LDLRAD3: variants seen among roughly 807,000 people sequenced by gnomAD.
The protein encoded by LDLRAD3 is low-density lipoprotein receptor class A domain-containing protein 3.
LDLRAD3 carries 20 observed loss-of-function variants against 29.4 expected under a neutral mutation model. That is an observed-to-expected ratio of 0.68 (90% CI 0.48 to 0.99). LDLRAD3 has a LOEUF of 0.99. LDLRAD3 is among the 50% of genes least tolerant of loss of function. The probability of loss-of-function intolerance (pLI) is 0.00; values close to 1 mark genes in which losing one functional copy is unlikely to be tolerated. For synonymous variants in LDLRAD3, 157 were observed against 192.7 expected (o/e 0.81, Z 1.53); for missense variants, 420 against 454.3 (o/e 0.92, Z 0.69).
At chr11:36,185,977 A>T (rs1012277153) in intron 4 of LDLRAD3, among the ~76,000 whole-genome samples, 1 of 152,204 alleles carries the variant, frequency 6.6e-6, no homozygotes, top group Non-Finnish European at 1.5e-5. Flanking sequence ...TATATATTAG[A>T]GGCCACAGAG....
chr11:36,202,203 A>C (rs538403027), intron 4 of LDLRAD3, among the ~76,000 whole-genome samples: 2 of 152,196 alleles, frequency 1.3e-5, no homozygotes, highest in South Asian at 2.1e-4. Context: ...CACCACGCCC[A>C]GCTAATTTTT....
Position 36,227,401 on chromosome 11 carries a change from C to A in LDLRAD3, c.771C>A (p.Pro257=). Residue 257 remains proline (P), a synonymous_variant, in exon 5 of 6, where the codon CCC becomes CCA. Coordinates refer to ENST00000315571, the MANE Select transcript of LDLRAD3 (RefSeq NM_174902.4). ...ATGCGTCGGAAGTAGGCTCCCCACCCTCCTACTCCGAGGCCTTGCTGGACC... is the reference window on the plus strand; with the variant it reads ...ATGCGTCGGAAGTAGGCTCCCCACCATCCTACTCCGAGGCCTTGCTGGACC... ...EQNASEVGSP[P]SYSEALLDQR... is the part of the protein sequence containing the mutation. 1 of 1,593,774 alleles carries A rather than the reference C, an allele frequency of 6.3e-7. No homozygotes were observed. The highest frequency in any genetic ancestry group is 8.5e-7 in the Non-Finnish European group (1 of 1,169,984).
Position 36,231,296 on chromosome 11 carries a change from A to T in LDLRAD3, c.*1899A>T, listed in dbSNP as rs1855572729. ...CACTGGTATTTTGTTTTGTTTAAAA[A>T]AAAAAAGAAAGAAAGAAAGAAAGAA... is the stretch of plus-strand genomic sequence containing the variant. On this transcript the variant is annotated 3_prime_UTR_variant, in exon 6 of 6. Transcript: ENST00000315571. The T allele has an allele frequency of 6.6e-6, 1 of 152,156 alleles. No homozygotes were observed. The highest frequency in any genetic ancestry group is 1.5e-5 in the Non-Finnish European group (1 of 68,028). 9.4% of individuals were successfully genotyped at this position (152,156 alleles called of 1,614,324 possible).
chr11:36,135,789 AAT>A (rs1853995367), intron 4 of LDLRAD3, among the ~76,000 whole-genome samples: 1 of 152,182 alleles, frequency 6.6e-6, no homozygotes, highest in Non-Finnish European at 1.5e-5. Flanking sequence ...GCACACCTGT[AAT>A]CCCAGCTACT....
chr11:36,145,972 C>T (rs927486604), intron 4 of LDLRAD3, among the ~76,000 whole-genome samples: 12 of 150,092 alleles, frequency 8.0e-5, no homozygotes, highest in African/African-American at 1.0e-4. Context: ...GCTAAATCTC[C>T]CTCTGCGAGA....
intron 1 of LDLRAD3, among the ~76,000 whole-genome samples, chr11:36,026,435 G>T (rs1428813651): frequency 6.6e-6 from 1 of 152,178 alleles, no homozygotes; most frequent in Non-Finnish European, 1.5e-5. Context: ...ATTAGGATTG[G>T]CTGGGTCAAA....
chr11:36,060,004 G>T (rs1852673818), intron 2 of LDLRAD3, among the ~76,000 whole-genome samples: 1 of 152,232 alleles, frequency 6.6e-6, no homozygotes, highest in Admixed American at 6.5e-5. Context: ...AGTTTTGCGA[G>T]ATGGGTATCA....
At chr11:36,020,640 T>C (rs1852083808) in intron 1 of LDLRAD3, among the ~76,000 whole-genome samples, 1 of 152,072 alleles carries the variant, frequency 6.6e-6, no homozygotes, top group South Asian at 2.1e-4. Flanking sequence ...TGTGGAGCAT[T>C]ATGGTAAATG....
chr11:36,066,234 G>C (rs1852791284), intron 2 of LDLRAD3, among the ~76,000 whole-genome samples: 1 of 149,674 alleles, frequency 6.7e-6, no homozygotes, highest in South Asian at 2.1e-4. Flanking sequence ...TCATGCAGTT[G>C]GATGATACCT....
intron 4 of LDLRAD3, among the ~76,000 whole-genome samples, chr11:36,159,903 G>A (rs1397849313): frequency 6.6e-6 from 1 of 152,172 alleles, no homozygotes; most frequent in Non-Finnish European, 1.5e-5. Flanking sequence ...TGAGTCTTAT[G>A]TTCCCTGCCC....
intron 4 of LDLRAD3, among the ~76,000 whole-genome samples, chr11:36,200,105 G>A (rs1317353605): frequency 6.6e-6 from 1 of 152,122 alleles, no homozygotes; most frequent in Non-Finnish European, 1.5e-5. Context: ...AGGCGGATGT[G>A]TAGTGAGCCA....
At chr11:36,016,028 G>A (rs1477380146) in intron 1 of LDLRAD3, among the ~76,000 whole-genome samples, 1 of 152,212 alleles carries the variant, frequency 6.6e-6, no homozygotes, top group African/African-American at 2.4e-5. Context: ...GGGCAAGTGA[G>A]ATTTGGAGAG....
At chr11:36,051,584 A>G (rs77833207) in intron 2 of LDLRAD3, among the ~76,000 whole-genome samples, 16,906 of 152,156 alleles carry the variant, frequency 0.11, 1,053 homozygotes, top group Admixed American at 0.16. Flanking sequence ...ACATTACTTC[A>G]TGCTTTAAAT....
At position 36,229,593 on chromosome 11, in the gene LDLRAD3, T is replaced by C. The variant is rs1433772627; in HGVS notation, c.*196T>C. The C allele has an allele frequency of 7.3e-6, 4 of 548,792 alleles. No homozygotes were observed. The highest frequency in any genetic ancestry group is 1.3e-5 in the Non-Finnish European group (4 of 308,514). 34.0% of individuals were successfully genotyped at this position (548,792 alleles called of 1,614,324 possible). ...TTCTGGCGTCTCAGTTGACATGATC[T>C]GTTGTGCGTCTTTTCTGTCAGGTCA... On this transcript the variant is annotated 3_prime_UTR_variant, in exon 6 of 6. Coordinates refer to ENST00000315571, the MANE Select transcript of LDLRAD3 (RefSeq NM_174902.4).
intron 4 of LDLRAD3, among the ~76,000 whole-genome samples, chr11:36,106,698 C>A (rs1853533863): frequency 6.6e-6 from 1 of 152,232 alleles, no homozygotes; most frequent in African/African-American, 2.4e-5. Flanking sequence ...CCTTTAGCTA[C>A]TGCTGAAACT....
In LDLRAD3 at chr11:36,051,107, A is replaced by T. The variant is rs1852521481; in HGVS notation, c.193+14858A>T. Among the ~76,000 whole-genome samples, 4 of 152,350 alleles carry T rather than the reference A, an allele frequency of 2.6e-5. No individual in the cohort carries two copies. In the South Asian group the frequency reaches 8.3e-4, roughly 32 times the overall value. ...TCAGGAGGACAAAAACATCCAGTCC[A>T]TTGCAGGGTGGAAGGACTTTCATGG... On this transcript the variant is annotated intron_variant, in intron 2 of 5. Coordinates refer to ENST00000315571, the MANE Select transcript of LDLRAD3 (RefSeq NM_174902.4).
At chr11:36,043,245 G>T (rs1175819416) in intron 2 of LDLRAD3, among the ~76,000 whole-genome samples, 1 of 152,204 alleles carries the variant, frequency 6.6e-6, no homozygotes, top group Admixed American at 6.5e-5. Flanking sequence ...CTGGGAGGTG[G>T]AGGTTGCAGT....
At chr11:35,987,253 A>G (rs971402030) in intron 1 of LDLRAD3, among the ~76,000 whole-genome samples, 3 of 152,198 alleles carry the variant, frequency 2.0e-5, no homozygotes, top group Non-Finnish European at 4.4e-5. Context: ...CTTTTTAAAG[A>G]ATAATTTCAA....
intron 2 of LDLRAD3, among the ~76,000 whole-genome samples, chr11:36,054,970 C>CATGGATGG (rs147422335): frequency 4.6e-5 from 4 of 87,394 alleles, no homozygotes; most frequent in African/African-American, 9.2e-5. Flanking sequence ...TGGATGGATG[C>CATGGATGG]ATGGATGGAT....
Sources: allele counts gnomAD v4.1 joint callset (sites outside exome capture counted in the v4.1 genomes callset), GRCh38; gene constraint gnomAD v4.1.1; transcripts MANE v1.5; gene names NCBI Gene and HGNC (gene_info 2026-07-23, HGNC 2026-07-21).